The following NDUFS4 variants were observed in gnomAD, a reference collection of about 807,000 sequenced individuals.
The protein encoded by NDUFS4 is NADH:ubiquinone oxidoreductase subunit S4.
Under a neutral mutation model 24.3 loss-of-function variants are expected in NDUFS4, and 28 were observed. That is an observed-to-expected ratio of 1.15 (90% CI 0.85 to 1.58). The LOEUF (loss-of-function observed/expected upper bound fraction) is 1.58. NDUFS4 is among the 40% of genes most tolerant of loss of function. The pLI is 0.00. For synonymous variants in NDUFS4, 93 were observed against 69.7 expected (o/e 1.34, Z -1.67); for missense variants, 223 against 207.9 (o/e 1.07, Z -0.45).
chr5:53,667,495 A>T (rs918316110), intron 4 of NDUFS4, among the ~76,000 whole-genome samples: 3 of 151,628 alleles, frequency 2.0e-5, no homozygotes, highest in Non-Finnish European at 2.9e-5. Context: ...CCAAAAAAAA[A>T]AAAAAAAAGG....
chr5:53,608,682 C>T (rs1002123157), intron 2 of NDUFS4, among the ~76,000 whole-genome samples: 1 of 152,190 alleles, frequency 6.6e-6, no homozygotes, highest in Admixed American at 6.5e-5. Context: ...CTTGTTTAGG[C>T]TCCACCCACC....
chr5:53,651,610 G>A (rs910215448), intron 3 of NDUFS4, among the ~76,000 whole-genome samples: 1 of 151,798 alleles, frequency 6.6e-6, no homozygotes, highest in Non-Finnish European at 1.5e-5. Context: ...GTATTTAATG[G>A]AGCAAAGAGA....
rs1749942599 is a variant in NDUFS4, at chr5:53,591,122, G to A, written c.99-12330G>A. Among the ~76,000 whole-genome samples, 4 of 152,024 alleles carry A rather than the reference G, an allele frequency of 2.6e-5. 1 individual carries two copies. The South Asian group carries it at 8.3e-4, about 31-fold the overall frequency. ...TATATCATAATCTGCTTCCATTTAA[G>A]GCAAAATAATATTCAATTGTATGTA... On this transcript the variant is annotated intron_variant, in intron 1 of 4. Coordinates refer to ENST00000296684, the MANE Select transcript of NDUFS4 (RefSeq NM_002495.4).
chr5:53,622,118 C>A (rs896946565), intron 2 of NDUFS4, among the ~76,000 whole-genome samples: 1 of 152,154 alleles, frequency 6.6e-6, no homozygotes, highest in Admixed American at 6.5e-5. Context: ...TATTATACTT[C>A]ATGTAGATAA....
chr5:53,629,619 T>A (rs1361404645), intron 2 of NDUFS4, among the ~76,000 whole-genome samples: 1 of 152,222 alleles, frequency 6.6e-6, no homozygotes, highest in Non-Finnish European at 1.5e-5. Flanking sequence ...AATTGATCCC[T>A]TTACCATTAT....
chr5:53,600,413 A>T (rs1320322986), intron 1 of NDUFS4, among the ~76,000 whole-genome samples: 2 of 151,466 alleles, frequency 1.3e-5, no homozygotes, highest in Non-Finnish European at 2.9e-5. Flanking sequence ...GGTTCAAGAG[A>T]TTCTCCTGCC....
At chr5:53,649,147 C>G (rs1379637252) in intron 3 of NDUFS4, among the ~76,000 whole-genome samples, 2 of 152,078 alleles carry the variant, frequency 1.3e-5, no homozygotes, top group African/African-American at 4.8e-5. Context: ...TAGAGTATCC[C>G]CCTGTTCATG....
At chr5:53,588,101 A>G (rs1014015351) in intron 1 of NDUFS4, among the ~76,000 whole-genome samples, 5 of 152,216 alleles carry the variant, frequency 3.3e-5, no homozygotes, top group African/African-American at 1.2e-4. Context: ...TGCAAATACC[A>G]TGGTAAAGCG....
chr5:53,637,437 A>G (rs1289169168), intron 2 of NDUFS4, among the ~76,000 whole-genome samples: 1 of 152,182 alleles, frequency 6.6e-6, no homozygotes, highest in Non-Finnish European at 1.5e-5. Flanking sequence ...TAAATACACA[A>G]TTTCCTGTTA....
At chr5:53,621,054 A>C (rs1291698763) in intron 2 of NDUFS4, among the ~76,000 whole-genome samples, 1 of 152,204 alleles carries the variant, frequency 6.6e-6, no homozygotes. Context: ...TTAACGTCTC[A>C]AACTATAATT....
chr5:53,579,887 A>G (rs1321547646), intron 1 of NDUFS4, among the ~76,000 whole-genome samples: 4 of 151,238 alleles, frequency 2.6e-5, no homozygotes, highest in Admixed American at 6.6e-5. Context: ...TGATGTGACT[A>G]CATGTCAAAG....
At chr5:53,636,268 G>C (rs922803079) in intron 2 of NDUFS4, among the ~76,000 whole-genome samples, 2 of 152,118 alleles carry the variant, frequency 1.3e-5, no homozygotes, top group Non-Finnish European at 2.9e-5. Flanking sequence ...CACAAAGGTT[G>C]TCTACACATG....
intron 1 of NDUFS4, among the ~76,000 whole-genome samples, chr5:53,566,183 A>G (rs1749019656): frequency 6.6e-6 from 1 of 152,208 alleles, no homozygotes; most frequent in Non-Finnish European, 1.5e-5. Context: ...AAAGTTAATA[A>G]TACACGGAAC....
At chr5:53,627,378 C>T (rs960465807) in intron 2 of NDUFS4, among the ~76,000 whole-genome samples, 2 of 152,026 alleles carry the variant, frequency 1.3e-5, no homozygotes, top group African/African-American at 4.8e-5. Context: ...CTTTTTGGTT[C>T]CATATGAAAT....
chr5:53,561,619 T>C (rs1748848722), intron 1 of NDUFS4, among the ~76,000 whole-genome samples: 2 of 152,060 alleles, frequency 1.3e-5, no homozygotes, highest in Admixed American at 6.6e-5. Context: ...ACACACATAT[T>C]AGAACAAAGA....
At chr5:53,675,420 C>A (rs1475712565) in intron 4 of NDUFS4, among the ~76,000 whole-genome samples, 1 of 152,114 alleles carries the variant, frequency 6.6e-6, no homozygotes, top group Non-Finnish European at 1.5e-5. Flanking sequence ...CCTTGGCCTC[C>A]CAAAGTGCTG....
intron 1 of NDUFS4, among the ~76,000 whole-genome samples, chr5:53,582,241 A>AAAATAAAATAAAATTAAATT (rs1554054139): frequency 3.7e-5 from 5 of 134,162 alleles, no homozygotes; most frequent in African/African-American, 1.3e-4. Context: ...AAAATAAAAT[A>AAAATAAAATAAAATTAAATT]AAATTAAATT....
intron 1 of NDUFS4, among the ~76,000 whole-genome samples, chr5:53,585,757 G>A (rs1363363788): frequency 2.8e-5 from 4 of 144,966 alleles, no homozygotes; most frequent in African/African-American, 8.4e-5. Flanking sequence ...AAAAAAAAAA[G>A]AAAATTTTTG....
chr5:53,632,998 C>T (rs1392003806), intron 2 of NDUFS4, among the ~76,000 whole-genome samples: 1 of 152,146 alleles, frequency 6.6e-6, no homozygotes, highest in African/African-American at 2.4e-5. Flanking sequence ...ACATATGTGG[C>T]TTAATTAAGG....
Sources: gnomAD v4.1 joint callset for allele counts (sites outside exome capture counted in the v4.1 genomes callset) on GRCh38, gnomAD v4.1.1 for gene constraint, MANE v1.5 for transcripts, NCBI Gene and HGNC (gene_info 2026-07-23, HGNC 2026-07-21) for gene names.